ACAD9: variants seen among roughly 807,000 people sequenced by gnomAD.
The protein encoded by ACAD9 is complex I assembly factor ACAD9, mitochondrial.
A neutral mutation model predicts 70.2 loss-of-function variants in ACAD9; 53 were observed. The observed-to-expected ratio is 0.75, with a 90% confidence interval of 0.61 to 0.95. The LOEUF is 0.95. Among genes scored for constraint, ACAD9 ranks in the 40% least tolerant of loss-of-function variants. ACAD9 has a pLI of 0.00. For synonymous variants in ACAD9, 313 were observed against 312.1 expected (o/e 1.00, Z -0.03); for missense variants, 777 against 802.8 (o/e 0.97, Z 0.39).
At chr3:128,907,685 C>CCT (rs1440332031) in intron 12 of ACAD9, among the ~76,000 whole-genome samples, 1 of 152,234 alleles carries the variant, frequency 6.6e-6, no homozygotes, top group Non-Finnish European at 1.5e-5. Flanking sequence ...AGCCCACTGG[C>CCT]CTCTCACTGA....
chr3:128,896,425 G>A lies in ACAD9; in HGVS notation c.454-11G>A. On this transcript the variant is annotated splice_polypyrimidine_tract_variant and intron_variant, in intron 4 of 17. Coordinates refer to ENST00000308982, the MANE Select transcript of ACAD9 (RefSeq NM_014049.5). ...CCACAGCTGACATTAGTCTGTGTCT[G>A]TTTTGTTTAGGGGATCATCTTGGCT... The A allele has an allele frequency of 3.1e-6, 5 of 1,613,846 alleles. No homozygotes were observed. Among genetic ancestry groups the A allele is most frequent in the Non-Finnish European group, 4.2e-6 (5 of 1,179,730 alleles).
chr3:128,880,443 C>G (rs909226004), intron 1 of ACAD9, among the ~76,000 whole-genome samples: 3 of 152,158 alleles, frequency 2.0e-5, no homozygotes, highest in Admixed American at 1.3e-4. Flanking sequence ...CAGAGTCGCG[C>G]TCTTGTCGCC....
rs560134928 is a variant in ACAD9, at chr3:128,909,231, C to T, written c.1486-113C>T. On this transcript the variant is annotated intron_variant, in intron 14 of 17. Transcript: ENST00000308982. Reference sequence around the variant, plus strand: ...TTGGGGAACACCAGCTAGTCCATGACACCCTGGATTGCTTCCCCCAGATGG... The same window carrying T: ...TTGGGGAACACCAGCTAGTCCATGATACCCTGGATTGCTTCCCCCAGATGG... 2.3e-5 allele frequency: 36 copies of T among 1,594,972 alleles called. No individual in the cohort carries two copies. The African/African-American group carries it at 4.7e-4, about 21-fold the overall frequency.
chr3:128,904,608 G>C (rs1005573332), intron 11 of ACAD9, 103 bp downstream of exon 11: 4 of 1,522,268 alleles, frequency 2.6e-6, no homozygotes, highest in Non-Finnish European at 3.5e-6. Context: ...TCTTCCTCCT[G>C]TCATTGATCC....
intron 1 of ACAD9, among the ~76,000 whole-genome samples, chr3:128,884,112 T>C (rs911269486): frequency 6.6e-6 from 1 of 152,220 alleles, no homozygotes; most frequent in South Asian, 2.1e-4. Flanking sequence ...TTGGTAAGCA[T>C]GATGTGCTCT....
At chr3:128,881,867 G>C (rs2107638837) in intron 1 of ACAD9, among the ~76,000 whole-genome samples, 1 of 152,268 alleles carries the variant, frequency 6.6e-6, no homozygotes, top group East Asian at 1.9e-4. Context: ...TTTCCAACTA[G>C]CCAAGTTGGA....
At position 128,883,074 on chromosome 3, in the gene ACAD9, TTTTTTTTTTTTTTTCTTG is replaced by T. The variant is rs999538038; in HGVS notation, c.151-1568_151-1551del. Among the ~76,000 whole-genome samples the T allele has an allele frequency of 1.2e-4, 6 of 48,914 alleles. No individual in the cohort carries two copies. In the African/African-American group the frequency reaches 2.3e-3, roughly 19 times the overall value. The allele number at this position is 48,914 out of a possible 152,430, so 32.1% of individuals were successfully genotyped here. On this transcript the variant is annotated intron_variant, in intron 1 of 17. Transcript: ENST00000308982. Reference sequence around the variant, plus strand: ...GCAGAGTGATGGAGCCATCAGCTTGTTTTTTTTTTTTTTTCTTGTTTTTTTTTTCCTTGAGACAGTGTC... The same window carrying T: ...GCAGAGTGATGGAGCCATCAGCTTGTTTTTTTTTTTCCTTGAGACAGTGTC...
chr3:128,900,983 C>T (rs1559826443), intron 7 of ACAD9, among the ~76,000 whole-genome samples: 1 of 152,128 alleles, frequency 6.6e-6, no homozygotes, highest in Admixed American at 6.6e-5. Flanking sequence ...TGACATAGTC[C>T]TTAATAAAAA....
At chr3:128,887,583 G>C (rs1935286442) in intron 2 of ACAD9, among the ~76,000 whole-genome samples, 1 of 150,078 alleles carries the variant, frequency 6.7e-6, no homozygotes. Context: ...GCTCCAGCCT[G>C]GGCGACAGGA....
chr3:128,896,400 C>G, intron 4 of ACAD9, 36 bp from the exon 5 acceptor site: 1 of 1,592,028 alleles, frequency 6.3e-7, no homozygotes, highest in Non-Finnish European at 8.6e-7. Flanking sequence ...TCCTTTCTCC[C>G]CACAGCTGAC....
At chr3:128,911,237 T>C (rs1363869935) in intron 17 of ACAD9, among the ~76,000 whole-genome samples, 1 of 152,066 alleles carries the variant, frequency 6.6e-6, no homozygotes, top group Non-Finnish European at 1.5e-5. Flanking sequence ...TTTGTATTTT[T>C]AGTAGAAACA....
intron 11 of ACAD9, 121 bp from the exon 12 acceptor site, chr3:128,906,000 T>A (rs1050817710): frequency 2.1e-5 from 29 of 1,392,330 alleles, no homozygotes; most frequent in Non-Finnish European, 2.7e-5. Context: ...ACATCACCCC[T>A]CAAGTTCCTC....
intron 16 of ACAD9, 131 bp downstream of exon 16, chr3:128,910,280 G>A (rs1018659693): frequency 1.5e-5 from 23 of 1,523,206 alleles, no homozygotes; most frequent in African/African-American, 1.1e-4. Flanking sequence ...TGCGGTGGCC[G>A]TGGGAGGGTC....
At position 128,880,035 on chromosome 3, in the gene ACAD9, CG is replaced by C. The variant is rs776072810; in HGVS notation, c.150+199del. 5.9e-6 allele frequency: 9 copies of C among 1,536,868 alleles called. No homozygotes were observed. In the South Asian group the frequency reaches 1.1e-4, roughly 18 times the overall value. On this transcript the variant is annotated intron_variant, in intron 1 of 17. Transcript: ENST00000308982. ...GAGAAAGGGTGAGACATTTCCAAGA[CG>C]GGGGACCCTTGGAAATGTGGTGGTG...
At chr3:128,897,865 GTTTT>G (rs907378562) in intron 6 of ACAD9, among the ~76,000 whole-genome samples, 155 bp downstream of exon 6, 12 of 151,666 alleles carry the variant, frequency 7.9e-5, no homozygotes, top group African/African-American at 2.9e-4. Flanking sequence ...ATTTTTTTTA[GTTTT>G]TTTTATTTGC....
chr3:128,884,555 G>A (rs1576329447), intron 1 of ACAD9, 98 bp from the exon 2 acceptor site: 2 of 849,880 alleles, frequency 2.4e-6, no homozygotes, highest in African/African-American at 1.7e-5. Context: ...TGGCCAGGGT[G>A]GAGTGGAGCA....
chr3:128,879,657 G>C lies in ACAD9; in HGVS notation c.-35G>C, dbSNP rs201480984. ...TGTGTCCCTGCGGCGCTAAGAAGGG[G>C]AGACTGAGGCTGAGGCTGGGGAACA... On this transcript the variant is annotated 5_prime_UTR_variant, in exon 1 of 18. Coordinates refer to ENST00000308982, the MANE Select transcript of ACAD9 (RefSeq NM_014049.5). The C allele has an allele frequency of 6.2e-7, 1 of 1,609,562 alleles. No homozygotes were observed. Among genetic ancestry groups the C allele is most frequent in the Non-Finnish European group, 8.5e-7 (1 of 1,178,738 alleles).
chr3:128,906,327 C>A (rs1047778217), intron 12 of ACAD9, 78 bp downstream of exon 12: 8 of 1,585,042 alleles, frequency 5.0e-6, no homozygotes, highest in Admixed American at 3.4e-5. Flanking sequence ...CAGGGCCTCG[C>A]AGAGGCCCCC....
At chr3:128,901,631 T>C (rs886434939) in intron 8 of ACAD9, among the ~76,000 whole-genome samples, 4 of 152,250 alleles carry the variant, frequency 2.6e-5, no homozygotes, top group Admixed American at 2.6e-4. Flanking sequence ...GAAAGCAGCC[T>C]GTGGGCTCTG....
Sources: allele counts gnomAD v4.1 joint callset (sites outside exome capture counted in the v4.1 genomes callset), GRCh38; gene constraint gnomAD v4.1.1; transcripts MANE v1.5; gene names NCBI Gene and HGNC (gene_info 2026-07-23, HGNC 2026-07-21).